The following NCAM1 variants were observed in gnomAD, a reference collection of about 807,000 sequenced individuals.
The protein encoded by NCAM1 is antigen recognized by monoclonal antibody 5.1H11.
NCAM1 carries 14 observed loss-of-function variants against 109.8 expected under a neutral mutation model. The observed-to-expected ratio is 0.13, with a 90% CI of 0.08 to 0.20. NCAM1 has a LOEUF of 0.20. Ranked by LOEUF, NCAM1 falls within the 10% of genes least tolerant of loss-of-function variation. The pLI is 1.00. For missense variants in NCAM1, 774 were observed against 1,109.9 expected, an observed-to-expected ratio of 0.70 and a Z score of 4.30; for synonymous variants, 418 against 442.9, an observed-to-expected ratio of 0.94 and a Z score of 0.70.
intron 1 of NCAM1, among the ~76,000 whole-genome samples, chr11:113,043,598 A>G (rs1193473761): frequency 6.6e-6 from 1 of 152,124 alleles, no homozygotes; most frequent in Admixed American, 6.5e-5. Flanking sequence ...GGCCTCTCAA[A>G]CTGCTGGGAT....
At position 113,241,818 on chromosome 11, in the gene NCAM1, G is replaced by C. The variant is rs571791084; in HGVS notation, c.1826-4550G>C. Among the ~76,000 whole-genome samples, 3 of 152,320 alleles carry C rather than the reference G, an allele frequency of 2.0e-5. No homozygotes were observed. In the East Asian group the frequency reaches 5.8e-4, roughly 29 times the overall value. On this transcript the variant is annotated intron_variant, in intron 14 of 19. Coordinates refer to ENST00000316851, the MANE Select transcript of NCAM1 (RefSeq NM_181351.5). ...CAGCAGCAAATGGGCAGGCAGGGTGGTGCCGCCTGGCTGGCTTTATTCTCC... is the reference window on the plus strand; with the variant it reads ...CAGCAGCAAATGGGCAGGCAGGGTGCTGCCGCCTGGCTGGCTTTATTCTCC...
intron 1 of NCAM1, among the ~76,000 whole-genome samples, chr11:112,997,650 TTCTC>T (rs1459296820): frequency 6.6e-6 from 1 of 152,170 alleles, no homozygotes; most frequent in Non-Finnish European, 1.5e-5. Flanking sequence ...CTTTCTTGCT[TTCTC>T]TCTGTGTGGC....
chr11:113,072,240 G>C (rs1938303934), intron 1 of NCAM1, among the ~76,000 whole-genome samples: 1 of 152,142 alleles, frequency 6.6e-6, no homozygotes, highest in South Asian at 2.1e-4. Context: ...CACTAATTTT[G>C]AATAAGCTTA....
chr11:112,990,666 T>C (rs1181550132), intron 1 of NCAM1, among the ~76,000 whole-genome samples: 3 of 152,050 alleles, frequency 2.0e-5, no homozygotes, highest in African/African-American at 7.2e-5. Flanking sequence ...TTATCATCCA[T>C]GGCGCAAGTG....
At chr11:113,079,898 C>T (rs1328661302) in intron 1 of NCAM1, among the ~76,000 whole-genome samples, 2 of 152,168 alleles carry the variant, frequency 1.3e-5, no homozygotes, top group African/African-American at 4.8e-5. Flanking sequence ...CCTCAGCTTA[C>T]TTTTTCTTCA....
At chr11:113,235,675 G>A (rs1270957525) in intron 14 of NCAM1, among the ~76,000 whole-genome samples, 1 of 152,186 alleles carries the variant, frequency 6.6e-6, no homozygotes, top group Admixed American at 6.5e-5. Flanking sequence ...CAAAGCCAAG[G>A]GGAAGAGGTA....
At chr11:113,263,515 A>G (rs1222541132) in intron 17 of NCAM1, 14 of 985,612 alleles carry the variant, frequency 1.4e-5, no homozygotes, top group Non-Finnish European at 1.7e-5. Flanking sequence ...ACTGGAAAAA[A>G]AGTTGAATTT....
At chr11:113,213,161 G>C (rs1249758724) in intron 7 of NCAM1, among the ~76,000 whole-genome samples, 1 of 152,082 alleles carries the variant, frequency 6.6e-6, no homozygotes, top group Non-Finnish European at 1.5e-5. Flanking sequence ...GCCTACTTAG[G>C]GTTACTGTAT....
intron 4 of NCAM1, 108 bp downstream of exon 4, chr11:113,205,774 C>T (rs782000032): frequency 4.7e-4 from 667 of 1,426,490 alleles, no homozygotes; most frequent in Admixed American, 1.5e-3. Context: ...CATGTGTGCC[C>T]GAACCCTCAT....
intron 1 of NCAM1, among the ~76,000 whole-genome samples, chr11:113,012,738 T>C (rs567151743): frequency 8.5e-5 from 13 of 152,162 alleles, no homozygotes; most frequent in Non-Finnish European, 1.8e-4. Context: ...ACGCCAGTCA[T>C]TGAGTTTAGT....
At chr11:113,191,278 G>A (rs1003185238) in intron 1 of NCAM1, among the ~76,000 whole-genome samples, 3 of 152,150 alleles carry the variant, frequency 2.0e-5, no homozygotes, top group Non-Finnish European at 2.9e-5. Flanking sequence ...GAAAGTCTAC[G>A]GCAGGGAGAA....
chr11:113,251,753 G>A (rs1945686257), intron 15 of NCAM1, among the ~76,000 whole-genome samples: 1 of 152,126 alleles, frequency 6.6e-6, no homozygotes, highest in South Asian at 2.1e-4. Context: ...TACAATAATG[G>A]TTTTACTGAA....
At chr11:113,175,035 A>G (rs1176025042) in intron 1 of NCAM1, among the ~76,000 whole-genome samples, 1 of 152,236 alleles carries the variant, frequency 6.6e-6, no homozygotes, top group Non-Finnish European at 1.5e-5. Flanking sequence ...ATAAGACTCC[A>G]GAGGTGCCTT....
intron 16 of NCAM1, among the ~76,000 whole-genome samples, chr11:113,258,957 C>T (rs186466120): frequency 2.0e-5 from 3 of 152,310 alleles, no homozygotes; most frequent in Non-Finnish European, 2.9e-5. Flanking sequence ...CTGACAAAAC[C>T]CCACAGGCAT....
chr11:113,249,314 C>A (rs1412849394), intron 15 of NCAM1, among the ~76,000 whole-genome samples: 4 of 152,206 alleles, frequency 2.6e-5, no homozygotes, highest in Non-Finnish European at 5.9e-5. Context: ...AGGGTTTCTG[C>A]TCTAATTGCC....
At chr11:113,092,965 G>T (rs1366666490) in intron 1 of NCAM1, among the ~76,000 whole-genome samples, 1 of 152,116 alleles carries the variant, frequency 6.6e-6, no homozygotes, top group African/African-American at 2.4e-5. Context: ...AGAAAATAAT[G>T]GTAGGCCTAA....
At chr11:113,235,810 A>AT (rs1223681925) in intron 14 of NCAM1, among the ~76,000 whole-genome samples, 37 of 152,026 alleles carry the variant, frequency 2.4e-4, no homozygotes, top group African/African-American at 8.4e-4. Context: ...TTCCTCGGCC[A>AT]TTCCCTCTTT....
intron 1 of NCAM1, among the ~76,000 whole-genome samples, chr11:113,173,591 G>GATATATATATATAT (rs5794851): frequency 7.4e-4 from 94 of 126,662 alleles, no homozygotes; most frequent in Middle Eastern, 8.8e-3. Flanking sequence ...CATGTTACCT[G>GATATATATATATAT]ATATATATAT....
At chr11:113,078,947 T>G (rs1938658080) in intron 1 of NCAM1, among the ~76,000 whole-genome samples, 1 of 152,030 alleles carries the variant, frequency 6.6e-6, no homozygotes, top group Non-Finnish European at 1.5e-5. Flanking sequence ...AACTGAAGGG[T>G]CCCAGGGAGT....
Sources: allele counts gnomAD v4.1 joint callset (sites outside exome capture counted in the v4.1 genomes callset), GRCh38; gene constraint gnomAD v4.1.1; transcripts MANE v1.5; gene names NCBI Gene and HGNC (gene_info 2026-07-23, HGNC 2026-07-21).